CNTLN: variants seen among roughly 807,000 people sequenced by gnomAD.
CNTLN encodes the protein centlein, centrosomal protein.
Under a neutral mutation model 180.0 loss-of-function variants are expected in CNTLN, and 212 were observed. The ratio of observed to expected loss-of-function variants is 1.18; its 90% CI spans 1.05 to 1.32. The LOEUF (loss-of-function observed/expected upper bound fraction) is 1.32, where lower values mean the gene tolerates loss of function less well. Ranked by LOEUF, CNTLN falls within the 40% of genes most tolerant of loss-of-function variation. The pLI is 0.00. For synonymous variants in CNTLN, 722 were observed against 563.1 expected, an observed-to-expected ratio of 1.28 and a Z score of -3.99; for missense variants, 2,095 against 1,610.9, an observed-to-expected ratio of 1.30 and a Z score of -5.14.
intron 8 of CNTLN, among the ~76,000 whole-genome samples, chr9:17,309,912 A>G: frequency 6.6e-6 from 1 of 152,070 alleles, no homozygotes; most frequent in Non-Finnish European, 1.5e-5. Context: ...TTTAAATTTT[A>G]TAATGTATTA....
intron 14 of CNTLN, 54 bp from the exon 15 acceptor site, chr9:17,394,480 A>T: frequency 8.5e-7 from 1 of 1,175,348 alleles, no homozygotes. Context: ...ATGGTAATAA[A>T]GTATAGTAGA....
intron 8 of CNTLN, among the ~76,000 whole-genome samples, chr9:17,327,587 C>T (rs1820389879): frequency 6.6e-6 from 1 of 151,658 alleles, no homozygotes; most frequent in Non-Finnish European, 1.5e-5. Context: ...TTTATATTTC[C>T]CTTACCTATA....
At chr9:17,374,078 C>T (rs1354063716) in intron 13 of CNTLN, among the ~76,000 whole-genome samples, 1 of 152,078 alleles carries the variant, frequency 6.6e-6, no homozygotes, top group Non-Finnish European at 1.5e-5. Flanking sequence ...GAGTAATATC[C>T]TACAAGCACA....
chr9:17,394,165 T>G (rs901028439), intron 14 of CNTLN, among the ~76,000 whole-genome samples: 2 of 152,170 alleles, frequency 1.3e-5, no homozygotes, highest in African/African-American at 2.4e-5. Flanking sequence ...TTATTTATTA[T>G]TACAGTTTAT....
At chr9:17,171,468 A>C (rs1820415919) in intron 2 of CNTLN, among the ~76,000 whole-genome samples, 1 of 152,190 alleles carries the variant, frequency 6.6e-6, no homozygotes, top group Non-Finnish European at 1.5e-5. Flanking sequence ...TCAGCAGCCA[A>C]GGCTGCGTGT....
chr9:17,208,408 CA>C (rs1823068301), intron 2 of CNTLN, among the ~76,000 whole-genome samples: 1 of 152,126 alleles, frequency 6.6e-6, no homozygotes, highest in African/African-American at 2.4e-5. Context: ...CAATGTTCAT[CA>C]GGGGTATTGG....
chr9:17,496,073 A>C (rs1193194489), intron 25 of CNTLN, among the ~76,000 whole-genome samples: 1 of 152,138 alleles, frequency 6.6e-6, no homozygotes, highest in Non-Finnish European at 1.5e-5. Flanking sequence ...GCATAACTGT[A>C]TTTGTAGAGT....
intron 2 of CNTLN, among the ~76,000 whole-genome samples, chr9:17,199,863 T>G (rs1587113587): frequency 6.6e-6 from 1 of 152,242 alleles, no homozygotes; most frequent in Admixed American, 6.5e-5. Flanking sequence ...TTTGTCAATT[T>G]TGACTTTTGT....
At chr9:17,482,614 A>G (rs1365452689) in intron 23 of CNTLN, among the ~76,000 whole-genome samples, 1 of 152,188 alleles carries the variant, frequency 6.6e-6, no homozygotes, top group African/African-American at 2.4e-5. Flanking sequence ...TGAAATTCAT[A>G]TGGAAAACCA....
In CNTLN at chr9:17,298,231, G is replaced by A. The variant is rs369012660; in HGVS notation, c.1025G>A (p.Ser342Asn). Residue 342 changes from serine (S) to asparagine (N), a missense_variant, in exon 7 of 26, where the codon AGT (serine) becomes AAT (asparagine). By Grantham distance (46) the Ser-to-Asn change is conservative. Transcript: ENST00000380647. The stretch of plus-strand genomic sequence containing the variant: ...CTGCAGAATCTTTACAAACAGAACA[G>A]TACACATACAGCCCAGCAAGCAGAG... ...QELQNLYKQN[S>N]THTAQQAELI... The A allele has an allele frequency of 4.8e-5, 77 of 1,608,960 alleles. No individual in the cohort carries two copies. The highest frequency in any genetic ancestry group is 6.1e-5 in the Non-Finnish European group (72 of 1,178,306).
intron 19 of CNTLN, among the ~76,000 whole-genome samples, 160 bp from the exon 20 acceptor site, chr9:17,462,756 G>A (rs1423604147): frequency 6.6e-6 from 1 of 151,232 alleles, no homozygotes; most frequent in Non-Finnish European, 1.5e-5. Context: ...TTCTATTACA[G>A]CATATAAAAT....
At chr9:17,244,825 G>C (rs940714201) in intron 5 of CNTLN, among the ~76,000 whole-genome samples, 1 of 151,802 alleles carries the variant, frequency 6.6e-6, no homozygotes, top group Non-Finnish European at 1.5e-5. Flanking sequence ...TTTATTTGAG[G>C]TTACCATGAG....
rs10120156 is a variant in CNTLN, at chr9:17,431,762, T to C, written c.3114+15573T>C. ...CCATTAATTAACAGTCCTAGGAACA[T>C]TGTTTAATGTGTAGAAGATTAAGAT... On this transcript the variant is annotated intron_variant, in intron 18 of 25. Transcript: ENST00000380647. 8.4e-3 allele frequency among the ~76,000 whole-genome samples: 1,276 copies of C among 152,270 alleles called. 12 individuals are homozygous for C. Among genetic ancestry groups the C allele is most frequent in the African/African-American group, 0.028 (1,171 of 41,566 alleles).
chr9:17,349,956 C>G (rs1240742893), intron 12 of CNTLN, among the ~76,000 whole-genome samples: 1 of 152,188 alleles, frequency 6.6e-6, no homozygotes, highest in Non-Finnish European at 1.5e-5. Flanking sequence ...TGAAACCACT[C>G]TTTGGAAGCT....
chr9:17,379,634 T>A (rs1428825860), intron 13 of CNTLN, among the ~76,000 whole-genome samples: 1 of 152,188 alleles, frequency 6.6e-6, no homozygotes, highest in South Asian at 2.1e-4. Flanking sequence ...TTTGTCTAGT[T>A]TTTAGTTGCT....
chr9:17,468,397 T>TTA (rs140689954), intron 23 of CNTLN, among the ~76,000 whole-genome samples: 30 of 150,918 alleles, frequency 2.0e-4, no homozygotes, highest in Admixed American at 2.7e-4. Flanking sequence ...AAAATTAAAG[T>TTA]TATATATATA....
intron 6 of CNTLN, among the ~76,000 whole-genome samples, chr9:17,284,011 A>G (rs1199262073): frequency 7.1e-6 from 1 of 141,610 alleles, no homozygotes; most frequent in Non-Finnish European, 1.5e-5. Context: ...TATTTTATTG[A>G]GGATTTTGTT....
At chr9:17,287,196 A>G (rs940640937) in intron 6 of CNTLN, among the ~76,000 whole-genome samples, 9 of 151,088 alleles carry the variant, frequency 6.0e-5, no homozygotes, top group African/African-American at 2.2e-4. Context: ...TACCTAATTT[A>G]TTGAGAGTTT....
intron 5 of CNTLN, among the ~76,000 whole-genome samples, chr9:17,264,989 G>C (rs1171722393): frequency 5.5e-5 from 8 of 144,698 alleles, no homozygotes; most frequent in Non-Finnish European, 1.2e-4. Context: ...TCTGCAAACA[G>C]GGACAATTTG....
Sources: allele counts gnomAD v4.1 joint callset (sites outside exome capture counted in the v4.1 genomes callset), GRCh38; gene constraint gnomAD v4.1.1; transcripts MANE v1.5; gene names NCBI Gene and HGNC (gene_info 2026-07-23, HGNC 2026-07-21).